WDPCP: variants seen among roughly 807,000 people sequenced by gnomAD.
WDPCP encodes WD repeat-containing and planar cell polarity effector protein fritz homolog.
A neutral mutation model predicts 93.1 loss-of-function variants in WDPCP; 71 were observed. The ratio of observed to expected loss-of-function variants is 0.76; its 90% CI spans 0.63 to 0.93. The LOEUF is 0.93. Ranked by LOEUF, WDPCP falls within the 40% of genes least tolerant of loss-of-function variation. WDPCP has a pLI of 0.00. For synonymous variants in WDPCP, 315 were observed against 315.0 expected (o/e 1.00, Z 0.00); for missense variants, 844 against 887.4 (o/e 0.95, Z 0.62).
At chr2:63,316,339 C>T (rs1686638007) in intron 12 of WDPCP, among the ~76,000 whole-genome samples, 1 of 152,022 alleles carries the variant, frequency 6.6e-6, no homozygotes, top group African/African-American at 2.4e-5. Context: ...AAAATATCCA[C>T]ATTTGTAATG....
At chr2:63,280,296 A>G (rs976374914) in intron 13 of WDPCP, among the ~76,000 whole-genome samples, 1 of 152,202 alleles carries the variant, frequency 6.6e-6, no homozygotes, top group African/African-American at 2.4e-5. Context: ...TGGCCGAGGC[A>G]AGAGAAAAAA....
At chr2:63,758,028 T>C (rs1206973605) in intron 2 of WDPCP, among the ~76,000 whole-genome samples, 1 of 152,064 alleles carries the variant, frequency 6.6e-6, no homozygotes, top group Non-Finnish European at 1.5e-5. Context: ...ATTAATTCAT[T>C]GAAATTATTT....
intron 1 of WDPCP, among the ~76,000 whole-genome samples, chr2:63,587,125 CAG>C (rs910668078): frequency 6.6e-6 from 1 of 152,160 alleles, no homozygotes; most frequent in Non-Finnish European, 1.5e-5. Context: ...AAGTAAAACT[CAG>C]AGAACCTAGG....
At chr2:63,636,117 C>CA (rs1362998304) in intron 3 of WDPCP, among the ~76,000 whole-genome samples, 2 of 152,148 alleles carry the variant, frequency 1.3e-5, no homozygotes, top group East Asian at 3.9e-4. Flanking sequence ...ACAATAGCAT[C>CA]AAAAAAATTA....
chr2:63,441,334 A>T (rs1697488326), intron 6 of WDPCP: 1 of 151,918 alleles, frequency 6.6e-6, no homozygotes, highest in African/African-American at 2.4e-5. Context: ...GGTGGTCTTA[A>T]CTCCCCAAAT....
intron 1 of WDPCP, among the ~76,000 whole-genome samples, chr2:63,554,438 G>A (rs537205354): frequency 6.6e-6 from 1 of 152,180 alleles, no homozygotes; most frequent in South Asian, 2.1e-4. Context: ...GATCACCTGA[G>A]GTCAGGAGTT....
At chr2:63,426,866 T>C (rs2105401572) in intron 9 of WDPCP, among the ~76,000 whole-genome samples, 1 of 152,070 alleles carries the variant, frequency 6.6e-6, no homozygotes, top group East Asian at 1.9e-4. Context: ...GAGAAAGATC[T>C]ATGAAAGGGG....
At chr2:63,641,785 CTTT>C (rs1488797555) in intron 3 of WDPCP, among the ~76,000 whole-genome samples, 2 of 152,108 alleles carry the variant, frequency 1.3e-5, no homozygotes, top group Admixed American at 6.6e-5. Context: ...TGTGCAAAGT[CTTT>C]TTAACTTCAT....
intron 14 of WDPCP, among the ~76,000 whole-genome samples, chr2:63,248,426 T>C (rs1288472920): frequency 6.6e-6 from 1 of 152,182 alleles, no homozygotes; most frequent in South Asian, 2.1e-4. Context: ...TGATTCTACT[T>C]GAAGTTCATT....
chr2:63,336,945 G>A (rs1482126742), intron 12 of WDPCP, among the ~76,000 whole-genome samples: 2 of 147,752 alleles, frequency 1.4e-5, no homozygotes, highest in Non-Finnish European at 3.0e-5. Context: ...CCAGGTTGGA[G>A]TGCAGTGGCA....
At chr2:63,603,246 G>A (rs778915764) in intron 3 of WDPCP, among the ~76,000 whole-genome samples, 17 of 151,950 alleles carry the variant, frequency 1.1e-4, no homozygotes, top group East Asian at 1.9e-4. Context: ...GTGAGCCACC[G>A]CGCCTGGCAT....
At chr2:63,239,682 A>G (rs1038627286) in intron 14 of WDPCP, among the ~76,000 whole-genome samples, 3 of 152,172 alleles carry the variant, frequency 2.0e-5, no homozygotes, top group Non-Finnish European at 2.9e-5. Flanking sequence ...GAGTTTTGTT[A>G]GCTAATATAT....
intron 14 of WDPCP, among the ~76,000 whole-genome samples, chr2:63,182,018 AT>A (rs1420987134): frequency 2.0e-5 from 3 of 152,074 alleles, no homozygotes; most frequent in African/African-American, 7.2e-5. Context: ...CCAATTTCAT[AT>A]TCTGAAACTT....
chr2:63,769,947 G>A (rs780078552), intron 2 of WDPCP, among the ~76,000 whole-genome samples: 1 of 151,644 alleles, frequency 6.6e-6, no homozygotes, highest in Non-Finnish European at 1.5e-5. Context: ...TATTCAACAC[G>A]GCTCATTCCT....
chr2:63,322,872 T>G (rs1245906178), intron 12 of WDPCP, among the ~76,000 whole-genome samples: 1 of 152,196 alleles, frequency 6.6e-6, no homozygotes, highest in Non-Finnish European at 1.5e-5. Flanking sequence ...TTCCTATTTT[T>G]CCTTAGAATT....
chr2:63,578,355 C>G (rs1012968257), intron 1 of WDPCP, among the ~76,000 whole-genome samples: 7 of 152,222 alleles, frequency 4.6e-5, no homozygotes, highest in Admixed American at 4.6e-4. Context: ...GCGCACAGCT[C>G]TGAGTAGGAC....
chr2:63,499,010 T>C (rs1701388463), intron 1 of WDPCP, among the ~76,000 whole-genome samples: 1 of 152,202 alleles, frequency 6.6e-6, no homozygotes, highest in South Asian at 2.1e-4. Context: ...GAGATCTAAA[T>C]ACCAATTAAA....
intron 2 of WDPCP, among the ~76,000 whole-genome samples, chr2:63,735,638 A>C (rs1332280302): frequency 6.6e-6 from 1 of 152,190 alleles, no homozygotes; most frequent in East Asian, 1.9e-4. Context: ...TCATGTAAAA[A>C]GGGTCGGAGG....
intron 2 of WDPCP, among the ~76,000 whole-genome samples, chr2:63,698,708 TTA>T (rs1484310801): frequency 6.6e-6 from 1 of 152,206 alleles, no homozygotes; most frequent in Non-Finnish European, 1.5e-5. Flanking sequence ...GAGATGACTT[TTA>T]TCTTCTCGTG....
Sources: gnomAD v4.1 joint callset for allele counts (sites outside exome capture counted in the v4.1 genomes callset) on GRCh38, gnomAD v4.1.1 for gene constraint, MANE v1.5 for transcripts, NCBI Gene and HGNC (gene_info 2026-07-23, HGNC 2026-07-21) for gene names.